The following FAM135B variants were observed in gnomAD, a reference collection of about 807,000 sequenced individuals.
FAM135B encodes the protein protein FAM135B.
Under a neutral mutation model 127.7 loss-of-function variants are expected in FAM135B, and 43 were observed. That is an observed-to-expected ratio of 0.34 (90% CI 0.26 to 0.43). FAM135B has a LOEUF of 0.43. Among genes scored for constraint, FAM135B ranks in the 20% least tolerant of loss-of-function variants. FAM135B has a pLI of 1.00. For missense variants in FAM135B, 1,558 were observed against 1,725.6 expected, an observed-to-expected ratio of 0.90 and a Z score of 1.72; for synonymous variants, 670 against 665.1, an observed-to-expected ratio of 1.01 and a Z score of -0.11.
intron 9 of FAM135B, among the ~76,000 whole-genome samples, chr8:138,182,544 C>T (rs1172491056): frequency 6.6e-6 from 1 of 152,200 alleles, no homozygotes; most frequent in Non-Finnish European, 1.5e-5. Flanking sequence ...GTGTGCCGAG[C>T]TCTGGGGAGC....
rs778107331 is a variant in FAM135B, at chr8:138,151,387, C to A, written c.3088G>T (p.Val1030Phe). 6.2e-7 allele frequency: 1 copy of A among 1,613,584 alleles called. No homozygotes were observed. Among genetic ancestry groups the A allele is most frequent in the Non-Finnish European group, 8.5e-7 (1 of 1,179,756 alleles). Residue 1030 changes from valine (V) to phenylalanine (F), a missense_variant, in exon 13 of 20, where the codon GTT (valine) becomes TTT (phenylalanine). Val to Phe is a conservative substitution (Grantham distance 50). Coordinates refer to ENST00000395297, the MANE Select transcript of FAM135B (RefSeq NM_015912.4). ...FTLDSLKAVEVVNLSVSCTAT... is the reference protein window; with the variant it reads ...FTLDSLKAVEFVNLSVSCTAT... ...GTGCAAGACACAGATAAGTTCACAA[C>A]CTCCACAGCCTTCAGGCTGTCCAGA...
intron 1 of FAM135B, among the ~76,000 whole-genome samples, chr8:138,473,264 C>T (rs1467875194): frequency 1.3e-5 from 2 of 152,018 alleles, no homozygotes; most frequent in East Asian, 3.9e-4. Flanking sequence ...GACAGCCACA[C>T]CCTCGTTGCC....
chr8:138,269,305 T>A (rs1446229165), intron 3 of FAM135B, among the ~76,000 whole-genome samples: 1 of 152,208 alleles, frequency 6.6e-6, no homozygotes, highest in African/African-American at 2.4e-5. Context: ...GTATTATTCT[T>A]CTGACAGGGA....
intron 9 of FAM135B, among the ~76,000 whole-genome samples, chr8:138,184,692 G>T (rs1815390380): frequency 6.6e-6 from 1 of 152,156 alleles, no homozygotes; most frequent in Admixed American, 6.5e-5. Context: ...CAGCTTCACG[G>T]CATGGCAGAG....
At chr8:138,357,774 A>G (rs146436369) in intron 2 of FAM135B, among the ~76,000 whole-genome samples, 32 of 152,278 alleles carry the variant, frequency 2.1e-4, no homozygotes, top group Non-Finnish European at 3.7e-4. Context: ...AGAGTTTAGT[A>G]TATTTTATTG....
chr8:138,397,480 T>C (rs942680810), intron 1 of FAM135B, among the ~76,000 whole-genome samples: 2 of 152,258 alleles, frequency 1.3e-5, no homozygotes, highest in African/African-American at 2.4e-5. Context: ...ACACTTTAAA[T>C]AGTTGATTTC....
chr8:138,148,500 A>C lies in FAM135B; in HGVS notation c.3448+20T>G. 2.5e-6 allele frequency: 4 copies of C among 1,607,132 alleles called. No homozygotes were observed. The highest frequency in any genetic ancestry group is 3.4e-6 in the Non-Finnish European group (4 of 1,176,766). On this transcript the variant is annotated intron_variant, in intron 14 of 19. Coordinates refer to ENST00000395297, the MANE Select transcript of FAM135B (RefSeq NM_015912.4). ...GTATATATGACAGAATTTGGGAAGA[A>C]AACTTGTTTTAGAACTCACCATCCA...
At chr8:138,196,817 G>GC (rs1816668923) in intron 8 of FAM135B, among the ~76,000 whole-genome samples, 1 of 152,182 alleles carries the variant, frequency 6.6e-6, no homozygotes, top group African/African-American at 2.4e-5. Flanking sequence ...AAAGGACCCT[G>GC]CCCCAAGGCA....
At chr8:138,393,773 A>G (rs1236552748) in intron 1 of FAM135B, among the ~76,000 whole-genome samples, 1 of 152,132 alleles carries the variant, frequency 6.6e-6, no homozygotes, top group African/African-American at 2.4e-5. Flanking sequence ...CTAGATGCTG[A>G]GGTCCTGGGC....
At chr8:138,383,873 T>C (rs766329246) in intron 1 of FAM135B, among the ~76,000 whole-genome samples, 14 of 152,200 alleles carry the variant, frequency 9.2e-5, no homozygotes, top group Non-Finnish European at 1.9e-4. Flanking sequence ...CCATCCTCTG[T>C]CTTGGTTCCC....
At chr8:138,487,280 A>C (rs1815018453) in intron 1 of FAM135B, among the ~76,000 whole-genome samples, 3 of 152,144 alleles carry the variant, frequency 2.0e-5, no homozygotes, top group African/African-American at 7.2e-5. Context: ...TCCCACTTGC[A>C]GAAAAGGCAT....
intron 1 of FAM135B, among the ~76,000 whole-genome samples, chr8:138,451,531 C>G (rs1836482323): frequency 6.6e-6 from 1 of 152,176 alleles, no homozygotes; most frequent in African/African-American, 2.4e-5. Flanking sequence ...AGTAAGGGGA[C>G]AACCCCTACA....
chr8:138,209,015 T>C (rs1449664450), intron 7 of FAM135B, among the ~76,000 whole-genome samples: 1 of 152,216 alleles, frequency 6.6e-6, no homozygotes, highest in Non-Finnish European at 1.5e-5. Flanking sequence ...TGTTTGACTT[T>C]AGAGAACTAT....
At chr8:138,165,006 G>A (rs1403034947) in intron 12 of FAM135B, among the ~76,000 whole-genome samples, 1 of 152,214 alleles carries the variant, frequency 6.6e-6, no homozygotes, top group African/African-American at 2.4e-5. Context: ...ACTGACGTGA[G>A]AGGTGGTGAG....
intron 12 of FAM135B, among the ~76,000 whole-genome samples, chr8:138,159,505 C>G (rs1563707918): frequency 6.7e-6 from 1 of 149,204 alleles, no homozygotes; most frequent in East Asian, 2.0e-4. Context: ...ATCGCAAGGA[C>G]AGAAAACCAA....
chr8:138,309,765 C>T (rs1826526985), intron 3 of FAM135B, among the ~76,000 whole-genome samples: 1 of 152,046 alleles, frequency 6.6e-6, no homozygotes, highest in African/African-American at 2.4e-5. Context: ...ACATTCTTGG[C>T]TACTCGTACT....
chr8:138,485,968 A>T (rs992983398), intron 1 of FAM135B, among the ~76,000 whole-genome samples: 3 of 152,096 alleles, frequency 2.0e-5, no homozygotes, highest in Non-Finnish European at 4.4e-5. Flanking sequence ...AGGATGGTTT[A>T]GGGGTCACCT....
rs11271386 is a variant in FAM135B, at chr8:138,425,964, C to CATATAT, written c.-19-57968_-19-57963dup. ...AGGAGTTCGAGACCAGCCAGGCCAA[C>CATATAT]ATATATATATATATATATATATATA... On this transcript the variant is annotated intron_variant, in intron 1 of 19. Transcript: ENST00000395297. Among the ~76,000 whole-genome samples, 923 of 109,636 alleles carry CATATAT rather than the reference C, an allele frequency of 8.4e-3. 8 individuals carry two copies. Among genetic ancestry groups the CATATAT allele is most frequent in the Non-Finnish European group, 0.013 (682 of 53,786 alleles). The allele number at this position is 109,636 out of a possible 152,430, so 71.9% of individuals were successfully genotyped here. A position where few individuals can be genotyped will look rare whatever the true frequency, so the allele number is the denominator to read the frequency against.
At chr8:138,421,646 C>CA (rs1410645095) in intron 1 of FAM135B, among the ~76,000 whole-genome samples, 7 of 151,998 alleles carry the variant, frequency 4.6e-5, no homozygotes, top group Non-Finnish European at 7.4e-5. Flanking sequence ...ATGACACAAA[C>CA]AAATAGAAAA....
Sources: allele counts gnomAD v4.1 joint callset (sites outside exome capture counted in the v4.1 genomes callset), GRCh38; gene constraint gnomAD v4.1.1; transcripts MANE v1.5; gene names NCBI Gene and HGNC (gene_info 2026-07-23, HGNC 2026-07-21).